The following CCDC73 variants were observed in gnomAD, a reference collection of about 807,000 sequenced individuals.
CCDC73 encodes coiled-coil domain-containing protein 73.
CCDC73 carries 95 observed loss-of-function variants against 116.5 expected under a neutral mutation model. The ratio of observed to expected loss-of-function variants is 0.82; its 90% CI spans 0.69 to 0.97. The LOEUF is 0.97. Among genes scored for constraint, CCDC73 ranks in the 50% least tolerant of loss-of-function variants. The probability of loss-of-function intolerance (pLI) is 0.00; values close to 1 mark genes in which losing one functional copy is unlikely to be tolerated. For missense variants in CCDC73, 1,066 were observed against 1,206.8 expected, an observed-to-expected ratio of 0.88 and a Z score of 1.73; for synonymous variants, 398 against 401.3, an observed-to-expected ratio of 0.99 and a Z score of 0.10.
At chr11:32,672,065 G>C (rs1461995171) in intron 9 of CCDC73, among the ~76,000 whole-genome samples, 1 of 152,108 alleles carries the variant, frequency 6.6e-6, no homozygotes, top group Non-Finnish European at 1.5e-5. Flanking sequence ...AAATATAATA[G>C]GCAGGCCAGG....
At chr11:32,636,009 A>G (rs1192562306) in intron 13 of CCDC73, among the ~76,000 whole-genome samples, 179 bp from the exon 14 acceptor site, 1 of 152,130 alleles carries the variant, frequency 6.6e-6, no homozygotes, top group Non-Finnish European at 1.5e-5. Context: ...TAATAAGCAT[A>G]ACTGCATACT....
Position 32,625,048 on chromosome 11 carries a change from T to C in CCDC73, c.1186-8919A>G, listed in dbSNP as rs540065491. Among the ~76,000 whole-genome samples, 3 of 152,354 alleles carry C rather than the reference T, an allele frequency of 2.0e-5. No homozygotes were observed. In the East Asian group the frequency reaches 5.8e-4, roughly 29 times the overall value. ...CCATTATGTAATGGCCTTCTTTGTCTGTTTTGATCTTTGTTGGTTTAAAGT... is the reference window on the plus strand; with the variant it reads ...CCATTATGTAATGGCCTTCTTTGTCCGTTTTGATCTTTGTTGGTTTAAAGT... On this transcript the variant is annotated intron_variant, in intron 14 of 17. Transcript: ENST00000335185.
At chr11:32,656,332 G>A (rs1400721525) in intron 9 of CCDC73, among the ~76,000 whole-genome samples, 1 of 152,068 alleles carries the variant, frequency 6.6e-6, no homozygotes, top group Non-Finnish European at 1.5e-5. Flanking sequence ...GCCCGCCTCG[G>A]CCTCCCAAAG....
rs372110520 is a variant in CCDC73 at position 32,788,929 on chromosome 11, GC to G, written c.-16+5683del. 2.2e-4 allele frequency among the ~76,000 whole-genome samples: 34 copies of G among 152,262 alleles called. 1 individual carries two copies. In the South Asian group the frequency reaches 6.8e-3, roughly 31 times the overall value. ...TGTTCAAAGAGTTCAAAGTCATGGT[GC>G]CCAAGCCTCATTCACTTTATCTCTA... is the stretch of plus-strand genomic sequence containing the variant. On this transcript the variant is annotated intron_variant, in intron 1 of 17. Coordinates refer to ENST00000335185, the MANE Select transcript of CCDC73 (RefSeq NM_001008391.4).
At chr11:32,652,056 A>G (rs1418033105) in intron 12 of CCDC73, among the ~76,000 whole-genome samples, 2 of 152,246 alleles carry the variant, frequency 1.3e-5, no homozygotes, top group Non-Finnish European at 2.9e-5. Flanking sequence ...CCATTAGCAC[A>G]GATTACTCTA....
At chr11:32,770,167 G>C (rs1251836661) in intron 1 of CCDC73, among the ~76,000 whole-genome samples, 6 of 152,150 alleles carry the variant, frequency 3.9e-5, no homozygotes, top group Non-Finnish European at 2.9e-5. Flanking sequence ...AGCTGGAAAT[G>C]CTGGAACTTA....
In CCDC73 at chr11:32,642,023, A is replaced by G. The variant is rs1855737435; in HGVS notation, c.999T>C (p.Phe333=). 3 of 1,568,198 alleles carry G rather than the reference A, an allele frequency of 1.9e-6. No homozygotes were observed. In the East Asian group the frequency reaches 7.0e-5, roughly 37 times the overall value. Residue 333 remains phenylalanine (F), a synonymous_variant, in exon 13 of 18, where the codon TTT becomes TTC. Transcript: ENST00000335185. The stretch of plus-strand genomic sequence containing the variant: ...TTTCATGCTCATTTTGAAGATTAAG[A>G]AACTTTTCTTCATTTTCTTTTACCT... ...REKVKENEEK[F]LNLQNEHEKA...
intron 14 of CCDC73, among the ~76,000 whole-genome samples, chr11:32,626,292 G>T (rs1855572827): frequency 6.6e-6 from 1 of 151,732 alleles, no homozygotes; most frequent in African/African-American, 2.4e-5. Context: ...CCTCTTCAAG[G>T]AGAACTACAA....
At chr11:32,665,702 T>C (rs1392067198) in intron 9 of CCDC73, among the ~76,000 whole-genome samples, 7 of 152,222 alleles carry the variant, frequency 4.6e-5, no homozygotes, top group African/African-American at 1.7e-4. Flanking sequence ...TCTGTCATTA[T>C]GATGTTAGAT....
intron 7 of CCDC73, among the ~76,000 whole-genome samples, chr11:32,676,808 A>G (rs971325098): frequency 1.3e-5 from 2 of 152,240 alleles, no homozygotes; most frequent in African/African-American, 4.8e-5. Context: ...AAATGAAATG[A>G]CAAGGATATC....
chr11:32,691,355 T>C (rs1271914871), intron 6 of CCDC73, among the ~76,000 whole-genome samples: 1 of 152,122 alleles, frequency 6.6e-6, no homozygotes. Flanking sequence ...CTCAACCACT[T>C]ATTTTTTTAC....
chr11:32,653,509 C>T (rs941803339), intron 11 of CCDC73, among the ~76,000 whole-genome samples: 1 of 152,090 alleles, frequency 6.6e-6, no homozygotes, highest in Non-Finnish European at 1.5e-5. Context: ...GGCTTGCCAC[C>T]TCCCAACAGT....
Position 32,620,779 on chromosome 11 carries a change from A to G in CCDC73, c.1186-4650T>C, listed in dbSNP as rs1855517064. Among the ~76,000 whole-genome samples, 5 of 152,130 alleles carry G rather than the reference A, an allele frequency of 3.3e-5. 1 individual carries two copies. In the South Asian group the frequency reaches 1.0e-3, roughly 32 times the overall value. ...TTAGGCCATTTTAGAGGCTGCCTAC[A>G]ACAATATTTAAACTTTGTGAGGCTG... On this transcript the variant is annotated intron_variant, in intron 14 of 17. Coordinates refer to ENST00000335185, the MANE Select transcript of CCDC73 (RefSeq NM_001008391.4).
intron 12 of CCDC73, among the ~76,000 whole-genome samples, chr11:32,651,491 G>C (rs1411295191): frequency 6.6e-6 from 1 of 152,310 alleles, no homozygotes; most frequent in East Asian, 1.9e-4. Context: ...ACCAGTGGCA[G>C]GACGGGAACG....
chr11:32,738,862 G>A (rs1384123370), intron 2 of CCDC73, among the ~76,000 whole-genome samples: 1 of 151,940 alleles, frequency 6.6e-6, no homozygotes, highest in Non-Finnish European at 1.5e-5. Context: ...AGTCCATTTT[G>A]GTTTTGTTTT....
intron 2 of CCDC73, among the ~76,000 whole-genome samples, chr11:32,754,634 C>T (rs968065657): frequency 2.0e-5 from 3 of 152,000 alleles, no homozygotes; most frequent in Admixed American, 6.5e-5. Flanking sequence ...GATGGATTAC[C>T]TAGAGGAAAA....
At chr11:32,631,906 G>T (rs1470273332) in intron 14 of CCDC73, among the ~76,000 whole-genome samples, 1 of 152,068 alleles carries the variant, frequency 6.6e-6, no homozygotes, top group Admixed American at 6.5e-5. Context: ...ATATATACAT[G>T]GGATTTTGCT....
At chr11:32,657,121 TAGG>T (rs993779648) in intron 9 of CCDC73, among the ~76,000 whole-genome samples, 2 of 152,082 alleles carry the variant, frequency 1.3e-5, no homozygotes, top group Non-Finnish European at 1.5e-5. Context: ...TCAACTGAGA[TAGG>T]AGGAAACCCA....
At chr11:32,758,473 GA>G in intron 2 of CCDC73, 4 of 457,214 alleles carry the variant, frequency 8.7e-6, no homozygotes, top group South Asian at 1.6e-5. Context: ...AGGTTATCTT[GA>G]AAAAATGTGT....
Sources: gnomAD v4.1 joint callset for allele counts (sites outside exome capture counted in the v4.1 genomes callset) on GRCh38, gnomAD v4.1.1 for gene constraint, MANE v1.5 for transcripts, NCBI Gene and HGNC (gene_info 2026-07-23, HGNC 2026-07-21) for gene names.